Variants in PTPRT observed in about 807,000 individuals in gnomAD.
PTPRT encodes protein tyrosine phosphatase receptor type T.
Under a neutral mutation model 176.8 loss-of-function variants are expected in PTPRT, and 56 were observed. That is an observed-to-expected ratio of 0.32 (90% CI 0.26 to 0.40). PTPRT has a LOEUF of 0.40. Ranked by LOEUF, PTPRT falls within the 10% of genes least tolerant of loss-of-function variation. The pLI is 1.00. For synonymous variants in PTPRT, 783 were observed against 739.0 expected (o/e 1.06, Z -0.96); for missense variants, 1,540 against 1,908.2 (o/e 0.81, Z 3.60).
chr20:42,829,976 G>GC (rs2078058044), intron 2 of PTPRT, among the ~76,000 whole-genome samples: 1 of 152,100 alleles, frequency 6.6e-6, no homozygotes, highest in East Asian at 1.9e-4. Flanking sequence ...ATCAAAACAA[G>GC]CCCAGGACCA....
rs1001170047 is a variant in PTPRT at position 42,528,720 on chromosome 20, A to G, written c.1154-56158T>C. Among the ~76,000 whole-genome samples the G allele has an allele frequency of 5.3e-5, 8 of 152,236 alleles. 1 individual carries two copies. Among genetic ancestry groups the G allele is most frequent in the African/African-American group, 1.9e-4 (8 of 41,460 alleles). On this transcript the variant is annotated intron_variant, in intron 7 of 30. Transcript: ENST00000373187. Reference sequence around the variant, plus strand: ...AAAAAGTTACTAAAAACGGTTCATTATCTGAATCCTCACAGTGTTACAGCT... The same window carrying G: ...AAAAAGTTACTAAAAACGGTTCATTGTCTGAATCCTCACAGTGTTACAGCT...
chr20:42,700,464 A>C (rs1312562186), intron 6 of PTPRT, among the ~76,000 whole-genome samples: 2 of 152,236 alleles, frequency 1.3e-5, no homozygotes, highest in East Asian at 3.9e-4. Context: ...CAGTTTAAAA[A>C]AATGTGTTCT....
chr20:42,984,167 T>C lies in PTPRT; in HGVS notation c.89-98235A>G, dbSNP rs143702383. ...ATATATAAGCAGGTATGTTCATATATGAATGCACATGTATGTACAAACATG... is the reference window on the plus strand; with the variant it reads ...ATATATAAGCAGGTATGTTCATATACGAATGCACATGTATGTACAAACATG... On this transcript the variant is annotated intron_variant, in intron 1 of 30. Coordinates refer to ENST00000373187, the MANE Select transcript of PTPRT (RefSeq NM_007050.6). 4.6e-5 allele frequency among the ~76,000 whole-genome samples: 7 copies of C among 152,374 alleles called. 1 individual carries two copies. Among genetic ancestry groups the C allele is most frequent in the African/African-American group, 1.4e-4 (6 of 41,594 alleles).
chr20:42,687,646 T>C (rs2075720915), intron 6 of PTPRT: 1 of 152,222 alleles, frequency 6.6e-6, no homozygotes, highest in Admixed American at 6.5e-5. Flanking sequence ...TCAAAGGCCA[T>C]GCTTCAGGAG....
chr20:42,497,304 T>A (rs968926234), intron 7 of PTPRT, among the ~76,000 whole-genome samples: 1 of 152,150 alleles, frequency 6.6e-6, no homozygotes, highest in Admixed American at 6.6e-5. Flanking sequence ...TATGGCATTT[T>A]TCCCCCCCAG....
intron 1 of PTPRT, among the ~76,000 whole-genome samples, chr20:43,026,685 A>G (rs2146188482): frequency 6.6e-6 from 1 of 152,242 alleles, no homozygotes; most frequent in South Asian, 2.1e-4. Flanking sequence ...AGTAGGTCTT[A>G]TTCATTCTAT....
chr20:42,668,722 C>T (rs2075360721), intron 7 of PTPRT, among the ~76,000 whole-genome samples: 2 of 151,152 alleles, frequency 1.3e-5, no homozygotes, highest in African/African-American at 4.9e-5. Flanking sequence ...GGCGGAGTCT[C>T]GCTCTGTCGT....
intron 14 of PTPRT, among the ~76,000 whole-genome samples, chr20:42,246,983 A>G (rs1318174198): frequency 6.6e-6 from 1 of 152,242 alleles, no homozygotes; most frequent in Non-Finnish European, 1.5e-5. Context: ...ATGTAATAGC[A>G]GCAGACTAGT....
intron 1 of PTPRT, among the ~76,000 whole-genome samples, chr20:43,188,201 A>C (rs76936043): frequency 0.039 from 5,904 of 151,174 alleles, 173 homozygotes; most frequent in Non-Finnish European, 0.057. Context: ...CACCTAACAC[A>C]CCCCCCAAAA....
intron 9 of PTPRT, among the ~76,000 whole-genome samples, chr20:42,420,688 T>G (rs2052821321): frequency 6.6e-6 from 1 of 152,198 alleles, no homozygotes. Context: ...AGGGGGATTC[T>G]GGTCTGTCTT....
Position 42,098,398 on chromosome 20 carries a change from G to A in PTPRT, c.3846+23C>T, listed in dbSNP as rs1985509042. On this transcript the variant is annotated intron_variant, in intron 27 of 30. Coordinates refer to ENST00000373187, the MANE Select transcript of PTPRT (RefSeq NM_007050.6). ...AGCATGGCCCCCCTGACCCACCTAG[G>A]GCTTGGCTTGGCCTCCTCCTACCTG... The A allele has an allele frequency of 4.3e-6, 7 of 1,613,284 alleles. No homozygotes were observed. In the South Asian group the frequency reaches 6.6e-5, roughly 15 times the overall value.
At chr20:42,120,558 T>C (rs1987536208) in intron 19 of PTPRT, among the ~76,000 whole-genome samples, 1 of 152,194 alleles carries the variant, frequency 6.6e-6, no homozygotes, top group Non-Finnish European at 1.5e-5. Flanking sequence ...CCCATAAAGA[T>C]ACCTGCAAAT....
intron 9 of PTPRT, among the ~76,000 whole-genome samples, chr20:42,417,660 A>G (rs1600989419): frequency 6.6e-6 from 1 of 150,896 alleles, no homozygotes. Context: ...ACTTTGAAGC[A>G]AACATTTACT....
At chr20:42,708,010 G>A (rs1181713878) in intron 6 of PTPRT, among the ~76,000 whole-genome samples, 1 of 152,004 alleles carries the variant, frequency 6.6e-6, no homozygotes, top group Non-Finnish European at 1.5e-5. Context: ...AATACAGGTA[G>A]GTACATTCAC....
intron 3 of PTPRT, among the ~76,000 whole-genome samples, chr20:42,784,455 T>A (rs540023419): frequency 6.6e-6 from 1 of 152,238 alleles, no homozygotes; most frequent in South Asian, 2.1e-4. Flanking sequence ...AAGAGAGACT[T>A]TTTTTACCCT....
intron 26 of PTPRT, among the ~76,000 whole-genome samples, chr20:42,100,555 C>T (rs1985834096): frequency 6.6e-6 from 1 of 152,166 alleles, no homozygotes; most frequent in African/African-American, 2.4e-5. Context: ...GCATTTGACT[C>T]CAGGCAGTAT....
chr20:42,988,103 T>C (rs1226688511), intron 1 of PTPRT, among the ~76,000 whole-genome samples: 2 of 152,324 alleles, frequency 1.3e-5, no homozygotes, highest in South Asian at 2.1e-4. Flanking sequence ...GGAGGGATTC[T>C]ACAAGGAGGC....
chr20:42,518,673 T>C (rs1568944579), intron 7 of PTPRT, among the ~76,000 whole-genome samples: 1 of 152,126 alleles, frequency 6.6e-6, no homozygotes, highest in East Asian at 1.9e-4. Flanking sequence ...TTTCTTCCTT[T>C]TGGCTTTGTT....
At chr20:42,794,613 G>A (rs1231972568) in intron 2 of PTPRT, among the ~76,000 whole-genome samples, 1 of 152,160 alleles carries the variant, frequency 6.6e-6, no homozygotes, top group Non-Finnish European at 1.5e-5. Context: ...CACACAGAAG[G>A]CTACTCACCT....
Sources: allele counts gnomAD v4.1 joint callset (sites outside exome capture counted in the v4.1 genomes callset), GRCh38; gene constraint gnomAD v4.1.1; transcripts MANE v1.5; gene names NCBI Gene and HGNC (gene_info 2026-07-23, HGNC 2026-07-21).